EPHA6: variants seen among roughly 807,000 people sequenced by gnomAD.
The protein encoded by EPHA6 is ephrin type-A receptor 6.
In EPHA6, 50 loss-of-function variants were observed where a neutral mutation model predicts 112.0. The observed-to-expected ratio is 0.45, with a 90% CI of 0.36 to 0.56. The LOEUF (loss-of-function observed/expected upper bound fraction) is 0.56, where lower values mean the gene tolerates loss of function less well. Among genes scored for constraint, EPHA6 ranks in the 20% least tolerant of loss-of-function variants. The pLI is 0.00. For synonymous variants in EPHA6, 529 were observed against 490.7 expected, an observed-to-expected ratio of 1.08 and a Z score of -1.03; for missense variants, 1,280 against 1,417.4, an observed-to-expected ratio of 0.90 and a Z score of 1.56.
chr3:97,518,687 G>A (rs2092487622), intron 10 of EPHA6, among the ~76,000 whole-genome samples: 1 of 151,980 alleles, frequency 6.6e-6, no homozygotes, highest in Non-Finnish European at 1.5e-5. Context: ...ACAGAAGTAA[G>A]ATGATATCTC....
At chr3:97,478,630 G>A (rs1159227819) in intron 8 of EPHA6, among the ~76,000 whole-genome samples, 2 of 152,092 alleles carry the variant, frequency 1.3e-5, no homozygotes. Flanking sequence ...ACTTTGGTAG[G>A]GGAGCAGTCA....
intron 3 of EPHA6, among the ~76,000 whole-genome samples, chr3:97,083,515 G>A (rs559474380): frequency 1.3e-5 from 2 of 151,918 alleles, no homozygotes; most frequent in East Asian, 1.9e-4. Flanking sequence ...GACCAAGACT[G>A]ATCCTGAGCT....
chr3:97,663,485 TC>T (rs1423100293), intron 14 of EPHA6, among the ~76,000 whole-genome samples: 5 of 79,650 alleles, frequency 6.3e-5, no homozygotes, highest in Admixed American at 4.4e-4. Flanking sequence ...CGCTCCCCCC[TC>T]CCCCCACCCC....
At chr3:97,404,384 TTTA>T (rs2087199085) in intron 5 of EPHA6, among the ~76,000 whole-genome samples, 2 of 152,168 alleles carry the variant, frequency 1.3e-5, no homozygotes, top group South Asian at 4.1e-4. Flanking sequence ...TAATTTGGAT[TTTA>T]TTTTTTCTGA....
At chr3:97,747,713 G>A (rs996075662) in intron 17 of EPHA6, 141 bp downstream of exon 17, 12 of 633,406 alleles carry the variant, frequency 1.9e-5, no homozygotes, top group Admixed American at 4.3e-5. Context: ...TCATTCTAGT[G>A]GAAGTTGGAC....
chr3:96,930,578 G>A (rs2040261472), intron 2 of EPHA6, among the ~76,000 whole-genome samples: 4 of 152,284 alleles, frequency 2.6e-5, no homozygotes, highest in Admixed American at 2.6e-4. Flanking sequence ...CCTTCTGGAA[G>A]CTCCATCCCA....
intron 14 of EPHA6, among the ~76,000 whole-genome samples, chr3:97,674,983 TAGG>T (rs1215376841): frequency 6.6e-6 from 1 of 152,064 alleles, no homozygotes; most frequent in Admixed American, 6.6e-5. Context: ...CACACAGCCT[TAGG>T]GGGATTTTTG....
At chr3:97,560,497 G>A (rs886607663) in intron 11 of EPHA6, 20 of 152,020 alleles carry the variant, frequency 1.3e-4, no homozygotes, top group African/African-American at 4.3e-4. Context: ...GTGCTCAATA[G>A]CCACATATGG....
intron 5 of EPHA6, among the ~76,000 whole-genome samples, chr3:97,330,237 G>T (rs2082715818): frequency 6.6e-6 from 1 of 152,162 alleles, no homozygotes; most frequent in African/African-American, 2.4e-5. Context: ...AGTAGAGTTT[G>T]AAGTCAGGTA....
At chr3:97,060,484 T>C (rs2045983874) in intron 3 of EPHA6, among the ~76,000 whole-genome samples, 1 of 152,184 alleles carries the variant, frequency 6.6e-6, no homozygotes, top group Non-Finnish European at 1.5e-5. Context: ...GAAACACTAC[T>C]TTGTGGCTGA....
At chr3:97,163,844 C>T (rs995377881) in intron 3 of EPHA6, among the ~76,000 whole-genome samples, 13 of 152,198 alleles carry the variant, frequency 8.5e-5, no homozygotes, top group Non-Finnish European at 4.4e-5. Context: ...TATTTCTTCC[C>T]AGTCAGTGCC....
intron 5 of EPHA6, among the ~76,000 whole-genome samples, chr3:97,292,027 C>T (rs9848058): frequency 0.016 from 2,494 of 152,344 alleles, 80 homozygotes; most frequent in African/African-American, 0.057. Flanking sequence ...AGGGTCCAGC[C>T]GCTGCGCACA....
At chr3:97,033,509 T>C (rs2044958868) in intron 3 of EPHA6, among the ~76,000 whole-genome samples, 1 of 152,010 alleles carries the variant, frequency 6.6e-6, no homozygotes, top group Non-Finnish European at 1.5e-5. Context: ...TAAAGATCAC[T>C]AGTGAGCAAA....
chr3:97,732,645 T>A (rs1032279486), intron 15 of EPHA6, among the ~76,000 whole-genome samples: 2 of 152,104 alleles, frequency 1.3e-5, no homozygotes, highest in African/African-American at 4.8e-5. Context: ...AATTTTCAGA[T>A]GTGTGATCTT....
At chr3:97,481,569 G>A (rs2091549568) in intron 9 of EPHA6, 2 of 622,138 alleles carry the variant, frequency 3.2e-6, no homozygotes, top group South Asian at 1.5e-5. Context: ...GGCGCGTCCG[G>A]CGCTGGGGGA....
chr3:97,199,146 G>A (rs1473619833), intron 3 of EPHA6, among the ~76,000 whole-genome samples: 2 of 152,066 alleles, frequency 1.3e-5, no homozygotes, highest in Non-Finnish European at 2.9e-5. Context: ...CTTAGCCAGT[G>A]GCAAATATCT....
intron 3 of EPHA6, among the ~76,000 whole-genome samples, chr3:97,189,966 T>G (rs931828526): frequency 6.7e-6 from 1 of 149,236 alleles, no homozygotes; most frequent in Non-Finnish European, 1.5e-5. Flanking sequence ...GGTAACAGTG[T>G]ATTGGAGATG....
intron 14 of EPHA6, among the ~76,000 whole-genome samples, chr3:97,678,947 A>C (rs145405064): frequency 1.3e-5 from 2 of 152,190 alleles, no homozygotes; most frequent in Admixed American, 1.3e-4. Flanking sequence ...CTGAAACTCT[A>C]TCTTTTAATA....
intron 11 of EPHA6, among the ~76,000 whole-genome samples, chr3:97,548,815 C>G (rs1263903438): frequency 6.6e-6 from 1 of 152,182 alleles, no homozygotes; most frequent in South Asian, 2.1e-4. Context: ...CTTGTATAAA[C>G]AATCACATAC....
Sources: allele counts gnomAD v4.1 joint callset (sites outside exome capture counted in the v4.1 genomes callset), GRCh38; gene constraint gnomAD v4.1.1; transcripts MANE v1.5; gene names NCBI Gene and HGNC (gene_info 2026-07-23, HGNC 2026-07-21).